Variants in TRIM44 observed in about 807,000 individuals in gnomAD.
TRIM44 encodes the protein tripartite motif-containing protein 44.
Under a neutral mutation model 37.4 loss-of-function variants are expected in TRIM44, and 13 were observed. The observed-to-expected ratio is 0.35, with a 90% CI of 0.23 to 0.55. The LOEUF (loss-of-function observed/expected upper bound fraction) is 0.55, where lower values mean the gene tolerates loss of function less well. Among genes scored for constraint, TRIM44 ranks in the 20% least tolerant of loss-of-function variants. The pLI, the probability that TRIM44 is intolerant of heterozygous loss-of-function variation, is 0.89. For missense variants in TRIM44, 426 were observed against 437.2 expected (o/e 0.97, Z 0.23); for synonymous variants, 175 against 157.2 (o/e 1.11, Z -0.85).
chr11:35,662,964 C>G lies in TRIM44; in HGVS notation c.-148C>G. ...GCGCCCGGGCAGGGGCTGCCGCGGC[C>G]CCAGGTCCCGCTTCGAGACGCGGCG... On this transcript the variant is annotated 5_prime_UTR_variant, in exon 1 of 5. Transcript: ENST00000299413. 7.5e-7 allele frequency: 1 copy of G among 1,332,202 alleles called. No homozygotes were observed. Among genetic ancestry groups the G allele is most frequent in the Non-Finnish European group, 9.7e-7 (1 of 1,034,628 alleles). 82.5% of individuals were successfully genotyped at this position (1,332,202 alleles called of 1,614,324 possible). A position where few individuals can be genotyped will look rare whatever the true frequency, so the allele number is the denominator to read the frequency against.
chr11:35,729,336 G>C (rs752263546), intron 3 of TRIM44, among the ~76,000 whole-genome samples: 39 of 152,280 alleles, frequency 2.6e-4, no homozygotes, highest in Non-Finnish European at 3.4e-4. Flanking sequence ...TATGGAGCCT[G>C]TGGGTGAAAC....
At chr11:35,675,402 C>T (rs923888111) in intron 1 of TRIM44, among the ~76,000 whole-genome samples, 3 of 152,162 alleles carry the variant, frequency 2.0e-5, no homozygotes, top group Admixed American at 1.3e-4. Flanking sequence ...CTAAGGTTGG[C>T]GTGGCAGAAC....
rs142951321 is a variant in TRIM44 at position 35,719,166 on chromosome 11, T to C, written c.748-6758T>C. 1.8e-3 allele frequency among the ~76,000 whole-genome samples: 280 copies of C among 152,300 alleles called. 2 individuals are homozygous for C. The highest frequency in any genetic ancestry group is 6.5e-3 in the African/African-American group (269 of 41,570). On this transcript the variant is annotated intron_variant, in intron 2 of 4. Coordinates refer to ENST00000299413, the MANE Select transcript of TRIM44 (RefSeq NM_017583.6). ...GTTTTGTAAGAACTGCCAAACTGTCTTCCAAGTGGCCTTACCATTTTGCAT... is the reference window on the plus strand; with the variant it reads ...GTTTTGTAAGAACTGCCAAACTGTCCTCCAAGTGGCCTTACCATTTTGCAT...
intron 3 of TRIM44, among the ~76,000 whole-genome samples, chr11:35,733,480 A>G (rs543703778): frequency 6.6e-6 from 1 of 152,304 alleles, no homozygotes; most frequent in African/African-American, 2.4e-5. Context: ...TTATTGGTAT[A>G]TTATAGATCC....
At chr11:35,673,947 G>A (rs1045394680) in intron 1 of TRIM44, among the ~76,000 whole-genome samples, 3 of 151,708 alleles carry the variant, frequency 2.0e-5, no homozygotes, top group Non-Finnish European at 4.4e-5. Flanking sequence ...TCAGTGCCTC[G>A]TATGTGTTCT....
intron 4 of TRIM44, among the ~76,000 whole-genome samples, chr11:35,758,482 G>C (rs138108101): frequency 6.6e-6 from 1 of 152,040 alleles, no homozygotes; most frequent in African/African-American, 2.4e-5. Context: ...TTTAATTGGA[G>C]CATTTAGCCC....
intron 4 of TRIM44, among the ~76,000 whole-genome samples, chr11:35,748,401 A>G (rs1200846389): frequency 1.3e-5 from 2 of 152,214 alleles, no homozygotes; most frequent in African/African-American, 4.8e-5. Context: ...AGACTGTGTT[A>G]ATGAAAGTAG....
At chr11:35,695,939 A>T (rs1014493915) in intron 2 of TRIM44, among the ~76,000 whole-genome samples, 4 of 149,872 alleles carry the variant, frequency 2.7e-5, no homozygotes, top group Non-Finnish European at 5.9e-5. Context: ...TCAAATCTGT[A>T]ATCTGTTTAC....
intron 4 of TRIM44, among the ~76,000 whole-genome samples, chr11:35,770,600 A>G (rs959645872): frequency 3.3e-5 from 5 of 152,096 alleles, no homozygotes; most frequent in African/African-American, 1.2e-4. Context: ...CTGGTGTGAG[A>G]TGGTATCTCA....
At chr11:35,694,871 G>A (rs1230957248) in intron 2 of TRIM44, among the ~76,000 whole-genome samples, 2 of 152,046 alleles carry the variant, frequency 1.3e-5, no homozygotes, top group African/African-American at 4.8e-5. Context: ...AGATTGTGAA[G>A]GGGTTGACTG....
At chr11:35,720,711 C>T (rs1474336064) in intron 2 of TRIM44, among the ~76,000 whole-genome samples, 4 of 151,948 alleles carry the variant, frequency 2.6e-5, no homozygotes, top group Non-Finnish European at 5.9e-5. Flanking sequence ...GGAAGCTCCC[C>T]CCCACCCCAT....
chr11:35,812,429 T>G lies in TRIM44; in HGVS notation c.*6044T>G, dbSNP rs1370292467. 1 of 152,242 alleles carries G rather than the reference T, an allele frequency of 6.6e-6. No individual in the cohort carries two copies. Among genetic ancestry groups the G allele is most frequent in the Non-Finnish European group, 1.5e-5 (1 of 68,046 alleles). 9.4% of individuals were successfully genotyped at this position (152,242 alleles called of 1,614,324 possible). On this transcript the variant is annotated 3_prime_UTR_variant, in exon 5 of 5. Transcript: ENST00000299413. The stretch of plus-strand genomic sequence containing the variant: ...GGTTTAAATCATTCATTTATGTTAA[T>G]AAGAGCTGTCACTTAGCTCTTTCTC...
In TRIM44 at chr11:35,806,435, G is replaced by A; in HGVS notation, c.*50G>A. ...TCATCCCCTCCCCTTGTGTGTATGT[G>A]ACAGCGTGTATGTAACGGCTTCTGA... On this transcript the variant is annotated 3_prime_UTR_variant, in exon 5 of 5. Transcript: ENST00000299413. 1.3e-6 allele frequency: 2 copies of A among 1,599,086 alleles called. No homozygotes were observed. The highest frequency in any genetic ancestry group is 1.7e-5 in the Admixed American group (1 of 59,868).
At chr11:35,756,086 T>A (rs1467215154) in intron 4 of TRIM44, among the ~76,000 whole-genome samples, 1 of 152,250 alleles carries the variant, frequency 6.6e-6, no homozygotes, top group African/African-American at 2.4e-5. Flanking sequence ...ATCTATAAAT[T>A]ACCTTGGGCA....
At position 35,746,502 on chromosome 11, in the gene TRIM44, T is replaced by G. The variant is rs143026954; in HGVS notation, c.1007+11057T>G. 1.6e-3 allele frequency among the ~76,000 whole-genome samples: 235 copies of G among 147,470 alleles called. 1 individual carries two copies. The highest frequency in any genetic ancestry group is 5.7e-3 in the African/African-American group (224 of 39,598). ...ATGTCACTGAACTGCAGTTACCTCT[T>G]TATCCAGAAGCTGAAACAGCAGGCA... is the stretch of plus-strand genomic sequence containing the variant. On this transcript the variant is annotated intron_variant, in intron 4 of 4. Coordinates refer to ENST00000299413, the MANE Select transcript of TRIM44 (RefSeq NM_017583.6).
chr11:35,793,572 G>A (rs1853244935), intron 4 of TRIM44, among the ~76,000 whole-genome samples: 1 of 152,214 alleles, frequency 6.6e-6, no homozygotes, highest in Admixed American at 6.5e-5. Flanking sequence ...CCTGTAACGA[G>A]GAGAAAGTTT....
chr11:35,691,289 C>T (rs936567089), intron 2 of TRIM44, among the ~76,000 whole-genome samples: 1 of 152,116 alleles, frequency 6.6e-6, no homozygotes, highest in Non-Finnish European at 1.5e-5. Flanking sequence ...TTTATCCTCT[C>T]TAGACACTTG....
At chr11:35,782,303 GAATGA>G (rs1384235399) in intron 4 of TRIM44, among the ~76,000 whole-genome samples, 1 of 152,092 alleles carries the variant, frequency 6.6e-6, no homozygotes, top group Admixed American at 6.6e-5. Flanking sequence ...GGATCCAAGG[GAATGA>G]AATTCTTGGC....
chr11:35,715,246 C>T (rs1852024459), intron 2 of TRIM44, among the ~76,000 whole-genome samples: 1 of 152,146 alleles, frequency 6.6e-6, no homozygotes, highest in African/African-American at 2.4e-5. Flanking sequence ...AGTGGTTAGA[C>T]ATCCATCTCT....
Sources: allele counts gnomAD v4.1 joint callset (sites outside exome capture counted in the v4.1 genomes callset), GRCh38; gene constraint gnomAD v4.1.1; transcripts MANE v1.5; gene names NCBI Gene and HGNC (gene_info 2026-07-23, HGNC 2026-07-21).